Variants in TRIM13 observed in about 807,000 individuals in gnomAD.
TRIM13 encodes E3 ubiquitin-protein ligase TRIM13.
TRIM13 carries 15 observed loss-of-function variants against 27.1 expected under a neutral mutation model. The observed-to-expected ratio is 0.55, with a 90% CI of 0.37 to 0.85. TRIM13 has a LOEUF of 0.85. Among genes scored for constraint, TRIM13 ranks in the 40% least tolerant of loss-of-function variants. The pLI is 0.00. For synonymous variants in TRIM13, 193 were observed against 171.5 expected (o/e 1.13, Z -0.98); for missense variants, 402 against 472.2 (o/e 0.85, Z 1.38).
At chr13:49,998,652 C>T (rs1422147196) in intron 1 of TRIM13, among the ~76,000 whole-genome samples, 1 of 151,348 alleles carries the variant, frequency 6.6e-6, no homozygotes, top group Non-Finnish European at 1.5e-5. Flanking sequence ...GTGGAATTTT[C>T]CTTTAATAAA....
rs1876749411 is a variant in TRIM13 at position 50,017,462 on chromosome 13, TTA to T, written c.*4300_*4301del. ...CACAGTGCCAAATGGTTTTCCCTTT[TTA>T]TGTTGTGTTTTAGAAACAGCACGAA... On this transcript the variant is annotated 3_prime_UTR_variant, in exon 2 of 2. Transcript: ENST00000378182. The T allele has an allele frequency of 6.0e-6, 1 of 167,248 alleles. No homozygotes were observed. The highest frequency in any genetic ancestry group is 1.9e-4 in the East Asian group (1 of 5,196). 10.4% of individuals were successfully genotyped at this position (167,248 alleles called of 1,614,324 possible).
At chr13:49,999,158 T>C (rs1873684224) in intron 1 of TRIM13, among the ~76,000 whole-genome samples, 1 of 151,078 alleles carries the variant, frequency 6.6e-6, no homozygotes, top group Non-Finnish European at 1.5e-5. Flanking sequence ...GTCTTGGCGA[T>C]CACTAGGTAA....
At chr13:50,007,951 C>T (rs1875016917) in intron 1 of TRIM13, among the ~76,000 whole-genome samples, 1 of 151,394 alleles carries the variant, frequency 6.6e-6, no homozygotes, top group Admixed American at 6.6e-5. Flanking sequence ...GTTGCCCAGG[C>T]TGGAGTGCAG....
rs1209006234 is a variant in TRIM13 at position 50,018,038 on chromosome 13, C to G, written c.*4874C>G. On this transcript the variant is annotated 3_prime_UTR_variant, in exon 2 of 2. Transcript: ENST00000378182. ...CAGATGCCATTCATGTTATCAAGCT[C>G]AAATTATAGTTGGTCACAGGATTCT... The G allele has an allele frequency of 6.0e-6, 1 of 167,040 alleles. No homozygotes were observed. The highest frequency in any genetic ancestry group is 2.4e-5 in the African/African-American group (1 of 41,464). 10.3% of individuals were successfully genotyped at this position (167,040 alleles called of 1,614,324 possible). A position where few individuals can be genotyped will look rare whatever the true frequency, so the allele number is the denominator to read the frequency against.
At chr13:50,008,848 TCTACAAAAAAAAA>T (rs1875165722) in intron 1 of TRIM13, among the ~76,000 whole-genome samples, 1 of 150,338 alleles carries the variant, frequency 6.7e-6, no homozygotes, top group African/African-American at 2.5e-5. Context: ...AGACCTCATC[TCTACAAAAAAAAA>T]CTACAAAGAA....
chr13:50,009,469 G>C (rs1875264809), intron 1 of TRIM13, among the ~76,000 whole-genome samples: 1 of 152,138 alleles, frequency 6.6e-6, no homozygotes, highest in Non-Finnish European at 1.5e-5. Context: ...AGGCGCGGTG[G>C]CTCACGCCTG....
chr13:50,014,344 A>AAAATTAT lies in TRIM13; in HGVS notation c.*1181_*1182insAATTATA, dbSNP rs1555325057. 2 of 19,718 alleles carry AAAATTAT rather than the reference A, an allele frequency of 1.0e-4. No homozygotes were observed. The highest frequency in any genetic ancestry group is 2.5e-3 in the South Asian group (1 of 402). 1.2% of individuals were successfully genotyped at this position (19,718 alleles called of 1,614,324 possible). On this transcript the variant is annotated 3_prime_UTR_variant, in exon 2 of 2. Transcript: ENST00000378182. The stretch of plus-strand genomic sequence containing the variant: ...AAAAAAAAAAAAAAAAAAAAAAAAA[A>AAAATTAT]ATATATATATATATATACACACACA...
intron 1 of TRIM13, among the ~76,000 whole-genome samples, chr13:50,000,481 A>G (rs1388732722): frequency 6.6e-6 from 1 of 152,224 alleles, no homozygotes; most frequent in Non-Finnish European, 1.5e-5. Context: ...CAAACAAAAC[A>G]ACACAGCAAC....
At position 50,015,094 on chromosome 13, in the gene TRIM13, A is replaced by AT. The variant is rs1876300387; in HGVS notation, c.*1930_*1931insT. ...CAGTAATAAAAAAAAAAAAAAAAAA[A>AT]ATATATATATATATATATATATATA... On this transcript the variant is annotated 3_prime_UTR_variant, in exon 2 of 2. Coordinates refer to ENST00000378182, the MANE Select transcript of TRIM13 (RefSeq NM_213590.3). The AT allele has an allele frequency of 4.7e-4, 8 of 16,848 alleles. No homozygotes were observed. The highest frequency in any genetic ancestry group is 6.1e-4 in the Non-Finnish European group (5 of 8,208). The allele number at this position is 16,848 out of a possible 1,614,324, so 1.0% of individuals were successfully genotyped here.
chr13:49,999,163 A>C (rs562997501), intron 1 of TRIM13, among the ~76,000 whole-genome samples: 23 of 151,596 alleles, frequency 1.5e-4, no homozygotes, highest in African/African-American at 4.8e-4. Flanking sequence ...GGCGATCACT[A>C]GGTAAAACCA....
intron 1 of TRIM13, among the ~76,000 whole-genome samples, chr13:50,004,597 T>C (rs978410401): frequency 1.9e-4 from 29 of 152,130 alleles, no homozygotes; most frequent in African/African-American, 6.5e-4. Context: ...ACCCTGTCTC[T>C]ACTAAAAACA....
chr13:50,009,775 C>T (rs1875344440), intron 1 of TRIM13, among the ~76,000 whole-genome samples: 1 of 132,156 alleles, frequency 7.6e-6, no homozygotes, highest in Non-Finnish European at 1.6e-5. Flanking sequence ...CAACAAAAAA[C>T]ACTAAAACTA....
intron 1 of TRIM13, among the ~76,000 whole-genome samples, chr13:50,000,654 A>C (rs1873911629): frequency 6.6e-6 from 1 of 152,252 alleles, no homozygotes; most frequent in Non-Finnish European, 1.5e-5. Context: ...GTGCACATGC[A>C]CGGACACATG....
chr13:50,006,454 G>C (rs1874722828), intron 1 of TRIM13, among the ~76,000 whole-genome samples: 1 of 152,162 alleles, frequency 6.6e-6, no homozygotes, highest in Non-Finnish European at 1.5e-5. Flanking sequence ...AACATTGCAA[G>C]GATGAGTAAA....
At chr13:50,011,106 G>T (rs539290769) in intron 1 of TRIM13, among the ~76,000 whole-genome samples, 2 of 152,180 alleles carry the variant, frequency 1.3e-5, no homozygotes, top group East Asian at 3.8e-4. Flanking sequence ...TTACAGCTTT[G>T]CTCGATCCCT....
Position 50,014,936 on chromosome 13 carries a change from G to T in TRIM13, c.*1772G>T, listed in dbSNP as rs977176158. The T allele has an allele frequency of 2.4e-5, 4 of 166,146 alleles. No homozygotes were observed. Among genetic ancestry groups the T allele is most frequent in the Non-Finnish European group, 5.9e-5 (4 of 67,984 alleles). The allele number at this position is 166,146 out of a possible 1,614,324, so 10.3% of individuals were successfully genotyped here. Reference sequence around the variant, plus strand: ...ATAGTCAAATTGAGCTTGCCAGGCTGTCTCATTCCTAACATGTAATTCATG... The same window carrying T: ...ATAGTCAAATTGAGCTTGCCAGGCTTTCTCATTCCTAACATGTAATTCATG... On this transcript the variant is annotated 3_prime_UTR_variant, in exon 2 of 2. Coordinates refer to ENST00000378182, the MANE Select transcript of TRIM13 (RefSeq NM_213590.3).
chr13:50,004,779 T>TA (rs562881816), intron 1 of TRIM13, among the ~76,000 whole-genome samples: 170 of 117,984 alleles, frequency 1.4e-3, no homozygotes, highest in Middle Eastern at 6.8e-3. Flanking sequence ...GACCCTGTCT[T>TA]AAAAAAAAAA....
Position 50,017,260 on chromosome 13 carries a change from CA to C in TRIM13, c.*4101del, listed in dbSNP as rs1876721991. ...TATGACCTCTTTGGGGATCATGCTT[CA>C]AAAAGTCAGAAACCTAGAGACAAAA... On this transcript the variant is annotated 3_prime_UTR_variant, in exon 2 of 2. Transcript: ENST00000378182. 1 of 166,820 alleles carries C rather than the reference CA, an allele frequency of 6.0e-6. No individual in the cohort carries two copies. The allele number at this position is 166,820 out of a possible 1,614,324, so 10.3% of individuals were successfully genotyped here.
intron 1 of TRIM13, among the ~76,000 whole-genome samples, chr13:50,005,057 CAA>C (rs749397964): frequency 1.5e-4 from 23 of 151,660 alleles, no homozygotes; most frequent in Non-Finnish European, 2.6e-4. Context: ...GCCTGGGTAA[CAA>C]GAGCGAGACT....
Sources: allele counts gnomAD v4.1 joint callset (sites outside exome capture counted in the v4.1 genomes callset), GRCh38; gene constraint gnomAD v4.1.1; transcripts MANE v1.5; gene names NCBI Gene and HGNC (gene_info 2026-07-23, HGNC 2026-07-21).